ADD2: variants seen among roughly 807,000 people sequenced by gnomAD.
ADD2 encodes adducin 2.
A neutral mutation model predicts 83.0 loss-of-function variants in ADD2; 23 were observed. The observed-to-expected ratio is 0.28, with a 90% CI of 0.20 to 0.39. The LOEUF (loss-of-function observed/expected upper bound fraction) is 0.39, where lower values mean the gene tolerates loss of function less well. ADD2 is among the 10% of genes least tolerant of loss of function. The pLI is 1.00. For missense variants in ADD2, 758 were observed against 944.9 expected (o/e 0.80, Z 2.59); for synonymous variants, 375 against 375.4 (o/e 1.00, Z 0.01).
In ADD2 at chr2:70,673,356, C is replaced by T. The variant is rs199735761; in HGVS notation, c.1742-350G>A. 12 of 1,602,686 alleles carry T rather than the reference C, an allele frequency of 7.5e-6. No individual in the cohort carries two copies. In the African/African-American group the frequency reaches 1.3e-4, roughly 18 times the overall value. ...AGAGAACCAGCCAGGAGCTTTGTGT[C>T]GTGAGCACAGAGCACATCAACGGGT... On this transcript the variant is annotated intron_variant, in intron 14 of 15. Transcript: ENST00000264436.
intron 1 of ADD2, among the ~76,000 whole-genome samples, chr2:70,765,214 G>A (rs996000457): frequency 2.6e-5 from 4 of 152,060 alleles, no homozygotes; most frequent in African/African-American, 7.3e-5. Flanking sequence ...TTAGCCGGGC[G>A]TGGTGACACG....
chr2:70,713,269 T>C, intron 1 of ADD2, 85 bp from the exon 2 acceptor site: 1 of 525,162 alleles, frequency 1.9e-6, no homozygotes, highest in Admixed American at 6.4e-5. Flanking sequence ...GGAAATTCCT[T>C]AAAATGAACT....
chr2:70,726,956 C>T (rs1673035831), intron 1 of ADD2, among the ~76,000 whole-genome samples: 1 of 152,202 alleles, frequency 6.6e-6, no homozygotes, highest in Admixed American at 6.5e-5. Flanking sequence ...CCACAATGCA[C>T]ACAGGGTTAT....
In ADD2 at chr2:70,683,755, A is replaced by G; in HGVS notation, c.961T>C (p.Ser321Pro). ...AACEIQVSAL[S>P]SAGGVENLIL... ...AGGTTCTCCACTCCCCCGGCACTGG[A>G]CAGAGCCGACACCTGTAGCAAAGAG... Residue 321 changes from serine to proline, a missense_variant, in exon 10 of 16, where the codon TCC becomes CCC. Transcript: ENST00000264436. 1 of 1,611,914 alleles carries G rather than the reference A, an allele frequency of 6.2e-7. No homozygotes were observed. Among genetic ancestry groups the G allele is most frequent in the Non-Finnish European group, 8.5e-7 (1 of 1,178,306 alleles).
At chr2:70,695,462 T>C (rs753829137) in intron 6 of ADD2, among the ~76,000 whole-genome samples, 1 of 152,060 alleles carries the variant, frequency 6.6e-6, no homozygotes, top group South Asian at 2.1e-4. Flanking sequence ...AGCCATCCCA[T>C]GAGTCTGCTG....
chr2:70,673,758 G>A (rs1240392525), intron 14 of ADD2, among the ~76,000 whole-genome samples: 4 of 152,136 alleles, frequency 2.6e-5, no homozygotes, highest in Admixed American at 2.6e-4. Flanking sequence ...CACCATGCCT[G>A]GCTAATTTTT....
intron 1 of ADD2, among the ~76,000 whole-genome samples, chr2:70,734,560 T>A (rs1482082840): frequency 6.6e-6 from 1 of 152,058 alleles, no homozygotes; most frequent in African/African-American, 2.4e-5. Flanking sequence ...AAGACCCCAA[T>A]GTCACTACTT....
intron 10 of ADD2, among the ~76,000 whole-genome samples, chr2:70,682,036 C>A: frequency 6.6e-6 from 1 of 152,058 alleles, no homozygotes; most frequent in South Asian, 2.1e-4. Context: ...AAGTTTTTAT[C>A]CTTTGATGCT....
At chr2:70,767,112 C>T (rs1675424967) in intron 1 of ADD2, among the ~76,000 whole-genome samples, 1 of 152,180 alleles carries the variant, frequency 6.6e-6, no homozygotes, top group African/African-American at 2.4e-5. Flanking sequence ...CCCCCCAACA[C>T]CAGGTAGGCT....
intron 1 of ADD2, among the ~76,000 whole-genome samples, chr2:70,737,813 A>G (rs1673662646): frequency 6.6e-6 from 1 of 152,182 alleles, no homozygotes; most frequent in Non-Finnish European, 1.5e-5. Flanking sequence ...CATCTCCCAA[A>G]AAATTCTTCT....
chr2:70,665,011 G>T (rs1399481206), intron 15 of ADD2, among the ~76,000 whole-genome samples: 1 of 151,988 alleles, frequency 6.6e-6, no homozygotes, highest in South Asian at 2.1e-4. Flanking sequence ...ACACCTGTGT[G>T]GTGTGTGTGT....
chr2:70,667,850 C>G (rs1485260089), intron 15 of ADD2, among the ~76,000 whole-genome samples: 1 of 152,042 alleles, frequency 6.6e-6, no homozygotes. Flanking sequence ...AACTCCGGAC[C>G]TCAGGCGATC....
rs1675610882 is a variant in ADD2 at position 70,663,364 on chromosome 2, G to C, written c.*61C>G. On this transcript the variant is annotated 3_prime_UTR_variant, in exon 16 of 16. Coordinates refer to ENST00000264436, the MANE Select transcript of ADD2 (RefSeq NM_001617.4). ...TTAGCCCTGTGCTTGCAGGGACAGA[G>C]ATGGGAGAAGGGAAGGGGAGGAGAG... The C allele has an allele frequency of 5.3e-6, 8 of 1,521,868 alleles. No individual in the cohort carries two copies. In the South Asian group the frequency reaches 7.5e-5, roughly 14 times the overall value. The allele number at this position is 1,521,868 out of a possible 1,614,324, so 94.3% of individuals were successfully genotyped here.
At chr2:70,705,576 C>T (rs1553374253) in intron 3 of ADD2, among the ~76,000 whole-genome samples, 1 of 152,228 alleles carries the variant, frequency 6.6e-6, no homozygotes, top group African/African-American at 2.4e-5. Context: ...CAGTGGTCCA[C>T]AGGGCCCACC....
chr2:70,706,237 G>A lies in ADD2; in HGVS notation c.172C>T (p.Leu58=). ...MEQKKRVTMI[L]QSPSFREELE... ...TCAGCCCCACTCACGGGACTCTGCA[G>A]GATCATGGTGACGCGCTTCTTCTGC... Residue 58 remains leucine, a synonymous_variant, in exon 3 of 16, where the codon CTG becomes TTG. Coordinates refer to ENST00000264436, the MANE Select transcript of ADD2 (RefSeq NM_001617.4). The surrounding 1 kb of genome is among the most constrained non-coding windows in gnomAD (Gnocchi z 5.0). 2 of 1,613,974 alleles carry A rather than the reference G, an allele frequency of 1.2e-6. No individual in the cohort carries two copies. The highest frequency in any genetic ancestry group is 1.7e-6 in the Non-Finnish European group (2 of 1,179,984).
intron 1 of ADD2, among the ~76,000 whole-genome samples, chr2:70,737,227 A>G (rs1176614112): frequency 3.3e-5 from 5 of 152,196 alleles, no homozygotes. Flanking sequence ...ATTACTGGGT[A>G]TATACCCAAA....
intron 1 of ADD2, among the ~76,000 whole-genome samples, chr2:70,754,589 G>A (rs1553383501): frequency 1.3e-5 from 2 of 151,970 alleles, no homozygotes; most frequent in African/African-American, 4.8e-5. Context: ...TCCAGCTCCT[G>A]GCTAACCATC....
intron 14 of ADD2, chr2:70,673,453 T>C: frequency 1.4e-6 from 1 of 691,174 alleles, no homozygotes; most frequent in Non-Finnish European, 2.5e-6. Context: ...ACACCCATGA[T>C]TTCTTTGCAT....
At chr2:70,678,606 G>A (rs1553368873) in intron 11 of ADD2, 98 bp downstream of exon 11, 3 of 1,469,034 alleles carry the variant, frequency 2.0e-6, no homozygotes, top group Admixed American at 4.9e-5. Context: ...ACTAACCTGG[G>A]GCAGGAGAGG....
Sources: gnomAD v4.1 joint callset for allele counts (sites outside exome capture counted in the v4.1 genomes callset) on GRCh38, gnomAD v4.1.1 for gene constraint, Gnocchi (gnomAD v3.1) non-coding constraint, MANE v1.5 for transcripts, NCBI Gene and HGNC (gene_info 2026-07-23, HGNC 2026-07-21) for gene names.